Variants in GRID1 observed in about 807,000 individuals in gnomAD.
The protein encoded by GRID1 is glutamate receptor ionotropic, delta-1.
In GRID1, 28 loss-of-function variants were observed where a neutral mutation model predicts 98.0. The ratio of observed to expected loss-of-function variants is 0.29; its 90% CI spans 0.21 to 0.39. The LOEUF (loss-of-function observed/expected upper bound fraction) is 0.39. Among genes scored for constraint, GRID1 ranks in the 10% least tolerant of loss-of-function variants. The pLI is 1.00. For missense variants in GRID1, 1,111 were observed against 1,340.5 expected, an observed-to-expected ratio of 0.83 and a Z score of 2.67; for synonymous variants, 553 against 538.5, an observed-to-expected ratio of 1.03 and a Z score of -0.37.
chr10:85,817,629 C>T (rs1193406201), intron 8 of GRID1, among the ~76,000 whole-genome samples: 1 of 149,732 alleles, frequency 6.7e-6, no homozygotes, highest in Admixed American at 6.6e-5. Flanking sequence ...TGCAGTGGCT[C>T]ACGCCTGTAA....
At chr10:85,934,413 G>GACACACACACACAC (rs5786728) in intron 4 of GRID1, among the ~76,000 whole-genome samples, 1 of 141,416 alleles carries the variant, frequency 7.1e-6, no homozygotes. Context: ...GCAGAGATTG[G>GACACACACACACAC]ACACACACAC....
intron 2 of GRID1, among the ~76,000 whole-genome samples, chr10:86,254,890 G>A (rs908781101): frequency 2.0e-5 from 3 of 152,218 alleles, no homozygotes; most frequent in Non-Finnish European, 2.9e-5. Context: ...CCTTGCCTGA[G>A]GGACCCTCAC....
intron 4 of GRID1, among the ~76,000 whole-genome samples, chr10:85,972,624 G>A (rs979302159): frequency 3.3e-5 from 5 of 151,694 alleles, no homozygotes; most frequent in African/African-American, 4.8e-5. Context: ...AGTCTATTGC[G>A]TGGCTATTCC....
intron 5 of GRID1, among the ~76,000 whole-genome samples, chr10:85,884,026 A>G (rs1363287434): frequency 1.3e-5 from 2 of 152,220 alleles, no homozygotes; most frequent in East Asian, 3.8e-4. Context: ...GCACAATCAT[A>G]AGAAAAAATC....
chr10:86,236,448 G>A (rs1229537297), intron 2 of GRID1, among the ~76,000 whole-genome samples: 3 of 152,140 alleles, frequency 2.0e-5, no homozygotes, highest in Non-Finnish European at 4.4e-5. Context: ...ATTGAAAAAC[G>A]GAGCCACCAC....
At chr10:86,034,706 AT>A (rs1185067753) in intron 4 of GRID1, among the ~76,000 whole-genome samples, 1 of 151,838 alleles carries the variant, frequency 6.6e-6, no homozygotes, top group Non-Finnish European at 1.5e-5. Flanking sequence ...AATTACAATG[AT>A]CTGTTTCCTC....
intron 8 of GRID1, among the ~76,000 whole-genome samples, chr10:85,773,468 G>A (rs1277446827): frequency 6.6e-6 from 1 of 152,120 alleles, no homozygotes; most frequent in Non-Finnish European, 1.5e-5. Context: ...TGGAAGTTCT[G>A]GCCAGGGCAA....
intron 15 of GRID1, among the ~76,000 whole-genome samples, chr10:85,609,439 T>G (rs949197990): frequency 1.3e-5 from 2 of 152,162 alleles, no homozygotes; most frequent in African/African-American, 4.8e-5. Flanking sequence ...TGCAACGCTG[T>G]GGGTTGGCAT....
At chr10:85,923,957 G>T (rs1254955154) in intron 4 of GRID1, among the ~76,000 whole-genome samples, 1 of 152,092 alleles carries the variant, frequency 6.6e-6, no homozygotes, top group Non-Finnish European at 1.5e-5. Flanking sequence ...TGCACCTCTG[G>T]TTGTCAAAGG....
At position 85,928,568 on chromosome 10, in the gene GRID1, T is replaced by G. The variant is rs539229871; in HGVS notation, c.727-12329A>C. Among the ~76,000 whole-genome samples the G allele has an allele frequency of 2.2e-3, 328 of 152,346 alleles. 1 individual carries two copies. The highest frequency in any genetic ancestry group is 3.6e-3 in the Non-Finnish European group (243 of 68,036). ...AAAGTGGCACGACAGGAAGCTCCCT[T>G]TCCCCCTTGCACCACGACTGATTCA... On this transcript the variant is annotated intron_variant, in intron 4 of 15. Coordinates refer to ENST00000327946, the MANE Select transcript of GRID1 (RefSeq NM_017551.3).
chr10:86,297,770 G>A (rs1475876304), intron 2 of GRID1, among the ~76,000 whole-genome samples: 1 of 152,192 alleles, frequency 6.6e-6, no homozygotes, highest in East Asian at 1.9e-4. Flanking sequence ...AACTCCCAGA[G>A]GCCAGCAGAT....
chr10:86,223,838 C>A (rs1437565669), intron 2 of GRID1, among the ~76,000 whole-genome samples: 1 of 151,908 alleles, frequency 6.6e-6, no homozygotes, highest in Admixed American at 6.6e-5. Context: ...AGTGATAGAC[C>A]AAGGACCAGC....
intron 4 of GRID1, among the ~76,000 whole-genome samples, chr10:86,067,823 G>A (rs568523354): frequency 6.6e-6 from 1 of 152,196 alleles, no homozygotes; most frequent in Non-Finnish European, 1.5e-5. Flanking sequence ...CTATGCCAGA[G>A]CTCCCCTTAA....
At chr10:86,205,444 AT>A (rs1846012780) in intron 3 of GRID1, among the ~76,000 whole-genome samples, 1 of 152,158 alleles carries the variant, frequency 6.6e-6, no homozygotes, top group Non-Finnish European at 1.5e-5. Flanking sequence ...TACACATGTG[AT>A]TTTTAAAATG....
chr10:85,865,536 G>A (rs1843206681), intron 6 of GRID1, among the ~76,000 whole-genome samples: 1 of 152,048 alleles, frequency 6.6e-6, no homozygotes, highest in South Asian at 2.1e-4. Context: ...GAAGAAAGAT[G>A]GACTGGAGAG....
intron 2 of GRID1, among the ~76,000 whole-genome samples, chr10:86,241,690 C>G (rs1235418348): frequency 2.6e-5 from 4 of 152,188 alleles, no homozygotes; most frequent in African/African-American, 4.8e-5. Flanking sequence ...TAGGAATGAG[C>G]CTCAATTCCA....
intron 15 of GRID1, among the ~76,000 whole-genome samples, chr10:85,611,904 C>A (rs914674232): frequency 6.6e-6 from 1 of 152,224 alleles, no homozygotes; most frequent in African/African-American, 2.4e-5. Flanking sequence ...CTATTCCTTT[C>A]AGGGCCTTTT....
intron 12 of GRID1, among the ~76,000 whole-genome samples, chr10:85,651,984 C>T (rs565688523): frequency 4.5e-4 from 68 of 152,316 alleles, no homozygotes; most frequent in African/African-American, 1.5e-3. Flanking sequence ...CTCTGTATCT[C>T]CTGACCTGGA....
At chr10:85,625,384 T>G (rs1341554735) in intron 13 of GRID1, among the ~76,000 whole-genome samples, 1 of 152,196 alleles carries the variant, frequency 6.6e-6, no homozygotes. Context: ...CTTGGGAAAA[T>G]CTCCTTGACA....
Sources: gnomAD v4.1 joint callset for allele counts (sites outside exome capture counted in the v4.1 genomes callset) on GRCh38, gnomAD v4.1.1 for gene constraint, MANE v1.5 for transcripts, NCBI Gene and HGNC (gene_info 2026-07-23, HGNC 2026-07-21) for gene names.